Variants in SARDH observed in about 807,000 individuals in gnomAD.
SARDH encodes sarcosine dehydrogenase, mitochondrial.
In SARDH, 95 loss-of-function variants were observed where a neutral mutation model predicts 109.1. The ratio of observed to expected loss-of-function variants is 0.87; its 90% CI spans 0.74 to 1.03. The LOEUF (loss-of-function observed/expected upper bound fraction) is 1.03, where lower values mean the gene tolerates loss of function less well. SARDH is among the 50% of genes least tolerant of loss of function. SARDH has a pLI of 0.00. For missense variants in SARDH, 1,267 were observed against 1,287.8 expected (o/e 0.98, Z 0.25); for synonymous variants, 572 against 534.8 (o/e 1.07, Z -0.96).
chr9:133,687,479 C>T (rs567394054), intron 16 of SARDH, among the ~76,000 whole-genome samples: 5 of 152,080 alleles, frequency 3.3e-5, no homozygotes, highest in African/African-American at 1.2e-4. Context: ...TAGGATCTCG[C>T]TATGTTGCTC....
intron 18 of SARDH, 146 bp downstream of exon 18, chr9:133,671,389 T>C (rs1395210552): frequency 2.8e-6 from 3 of 1,080,962 alleles, no homozygotes; most frequent in Non-Finnish European, 3.9e-6. Flanking sequence ...CGCTGGGGTG[T>C]AGGGGAGGAA....
chr9:133,713,230 C>A, intron 8 of SARDH, 106 bp from the exon 9 acceptor site: 1 of 875,250 alleles, frequency 1.1e-6, no homozygotes, highest in Non-Finnish European at 1.8e-6. Flanking sequence ...AGGGGCCCCT[C>A]CACCCAACCC....
At chr9:133,702,876 G>T in intron 13 of SARDH, 40 bp downstream of exon 13, 1 of 1,579,986 alleles carries the variant, frequency 6.3e-7, no homozygotes, top group East Asian at 2.2e-5. Flanking sequence ...TGAGGGACAG[G>T]CAGAAGGACG....
In SARDH at chr9:133,738,013, G is replaced by T. The variant is rs531676523; in HGVS notation, c.-31+241C>A. On this transcript the variant is annotated intron_variant, in intron 1 of 20. Transcript: ENST00000439388. ...CCTCCCAGGCTCAGGGGGTGGTGGGGGTCAAGCGAGGAGAGCGCCTGGCAC... is the reference window on the plus strand; with the variant it reads ...CCTCCCAGGCTCAGGGGGTGGTGGGTGTCAAGCGAGGAGAGCGCCTGGCAC... 2.0e-5 allele frequency among the ~76,000 whole-genome samples: 3 copies of T among 152,338 alleles called. No homozygotes were observed. In the South Asian group the frequency reaches 6.2e-4, roughly 32 times the overall value.
At chr9:133,729,152 G>A (rs2131498890) in intron 6 of SARDH, among the ~76,000 whole-genome samples, 1 of 152,198 alleles carries the variant, frequency 6.6e-6, no homozygotes, top group African/African-American at 2.4e-5. Context: ...GCTGGACAGA[G>A]AGAGGAATGA....
upstream of SARDH, among the ~76,000 whole-genome samples, chr9:133,738,534 G>A (rs911386197): frequency 1.3e-5 from 2 of 152,188 alleles, no homozygotes; most frequent in African/African-American, 4.8e-5. Flanking sequence ...CCCATTACCC[G>A]TAGGCGACCT....
intron 4 of SARDH, among the ~76,000 whole-genome samples, chr9:133,730,957 A>C (rs767337129): frequency 1.3e-5 from 2 of 152,204 alleles, no homozygotes; most frequent in Admixed American, 6.5e-5. Context: ...AGCCTGGGCG[A>C]CAGAGCGAGA....
In SARDH at chr9:133,664,344, G is replaced by A. The variant is rs539166218; in HGVS notation, c.2632-330C>T. On this transcript the variant is annotated intron_variant, in intron 20 of 20. Coordinates refer to ENST00000439388, the MANE Select transcript of SARDH (RefSeq NM_001134707.2). ...GCAACACGGTGGCTTCCCCGGACCC[G>A]GGCAAGCACAGCGGCCAGAGCAGCG... Among the ~76,000 whole-genome samples the A allele has an allele frequency of 2.1e-4, 32 of 152,334 alleles. 1 individual carries two copies. The East Asian group carries it at 3.5e-3, about 17-fold the overall frequency.
chr9:133,669,421 G>A (rs940932973), intron 19 of SARDH, among the ~76,000 whole-genome samples: 4 of 148,360 alleles, frequency 2.7e-5, no homozygotes, highest in Non-Finnish European at 6.0e-5. Context: ...GCAGCTGGCT[G>A]TCAGCTCCAT....
At chr9:133,699,462 C>T (rs2131405312) in intron 13 of SARDH, among the ~76,000 whole-genome samples, 1 of 152,252 alleles carries the variant, frequency 6.6e-6, no homozygotes, top group Admixed American at 6.5e-5. Flanking sequence ...GCCGAGATCA[C>T]ACCATTGCAC....
chr9:133,702,066 G>A (rs986691819), intron 13 of SARDH, among the ~76,000 whole-genome samples: 27 of 152,222 alleles, frequency 1.8e-4, no homozygotes, highest in African/African-American at 5.3e-4. Flanking sequence ...CCTGGGCTCT[G>A]AGACTCTGGG....
chr9:133,702,228 G>A (rs549930734), intron 13 of SARDH, among the ~76,000 whole-genome samples: 6 of 152,354 alleles, frequency 3.9e-5, no homozygotes, highest in Non-Finnish European at 7.3e-5. Flanking sequence ...GCTCCTTCCC[G>A]GACAGCTGCG....
chr9:133,719,013 G>T lies in SARDH; in HGVS notation c.945C>A (p.Ala315=). ...QNMPNVRDHD[A]SVYLRLQGDA... is the part of the protein sequence containing the mutation. Reference sequence around the variant, plus strand: ...CCCCTTGGAGGCGGAGGTAGACAGAGGCATCATGATCACGGACATTGGGCA... The same window carrying T: ...CCCCTTGGAGGCGGAGGTAGACAGATGCATCATGATCACGGACATTGGGCA... Residue 315 remains alanine, a synonymous_variant, in exon 7 of 21, where the codon GCC becomes GCA. Coordinates refer to ENST00000439388, the MANE Select transcript of SARDH (RefSeq NM_001134707.2). 1 of 1,614,210 alleles carries T rather than the reference G, an allele frequency of 6.2e-7. No homozygotes were observed. The highest frequency in any genetic ancestry group is 1.1e-5 in the South Asian group (1 of 91,074).
At chr9:133,719,568 A>G (rs1405437659) in intron 6 of SARDH, among the ~76,000 whole-genome samples, 1 of 152,012 alleles carries the variant, frequency 6.6e-6, no homozygotes, top group African/African-American at 2.4e-5. Context: ...GTATGGAAGG[A>G]TCTTCCTCTG....
At position 133,708,298 on chromosome 9, in the gene SARDH, G is replaced by C. The variant is rs1163666993; in HGVS notation, c.1459C>G (p.Pro487Ala). 1 of 1,612,574 alleles carries C rather than the reference G, an allele frequency of 6.2e-7. No homozygotes were observed. Among genetic ancestry groups the C allele is most frequent in the Non-Finnish European group, 8.5e-7 (1 of 1,179,426 alleles). ...TGTAGGGGCGTTACCTCGTGCAGCGGGTCTCTCCTCATGTTGCGCCCGGCC... is the reference window on the plus strand; with the variant it reads ...TGTAGGGGCGTTACCTCGTGCAGCGCGTCTCTCCTCATGTTGCGCCCGGCC... ...PLAGRNMRRD[P>A]LHEELLGQGC... is the part of the protein sequence containing the mutation. The change falls in exon 11 of 21, where the codon CCG becomes GCG. Residue 487 changes from proline (P) to alanine (A), a missense_variant. By Grantham distance (27) the Pro-to-Ala change is conservative (BLOSUM62 -1). Coordinates refer to ENST00000439388, the MANE Select transcript of SARDH (RefSeq NM_001134707.2).
intron 17 of SARDH, among the ~76,000 whole-genome samples, chr9:133,677,955 C>T (rs1189907654): frequency 3.3e-5 from 5 of 152,236 alleles, no homozygotes; most frequent in East Asian, 1.9e-4. Context: ...CTTAGGCAAG[C>T]GCCACTACTA....
At chr9:133,662,211 C>T (rs889388288), downstream of SARDH, among the ~76,000 whole-genome samples, 2 of 152,162 alleles carry the variant, frequency 1.3e-5, no homozygotes, top group African/African-American at 4.8e-5. This position sits in a 1 kb window ranked among gnomAD's most constrained non-coding sequence, Gnocchi z 5.1. Flanking sequence ...CTCCTCGGGA[C>T]AGGGTGGTGC....
intron 8 of SARDH, 118 bp downstream of exon 8, chr9:133,717,208 C>G: frequency 7.6e-7 from 1 of 1,311,556 alleles, no homozygotes; most frequent in Non-Finnish European, 1.1e-6. Context: ...CGAGAGGGAC[C>G]GGGGACAGCC....
At chr9:133,698,009 T>TA (rs371381068) in intron 13 of SARDH, among the ~76,000 whole-genome samples, 1,528 of 95,680 alleles carry the variant, frequency 0.016, 63 homozygotes, top group African/African-American at 0.056. Flanking sequence ...AGGAATCCAC[T>TA]AAAAAAAAAA....
Sources: allele counts gnomAD v4.1 joint callset (sites outside exome capture counted in the v4.1 genomes callset), GRCh38; gene constraint gnomAD v4.1.1; non-coding constraint Gnocchi (gnomAD v3.1); transcripts MANE v1.5; gene names NCBI Gene and HGNC (gene_info 2026-07-23, HGNC 2026-07-21).